Variants in GRM8 observed in about 807,000 individuals in gnomAD.
GRM8 encodes glutamate metabotropic receptor 8, also known as metabotropic glutamate receptor 8.
GRM8 carries 47 observed loss-of-function variants against 87.2 expected under a neutral mutation model. The observed-to-expected ratio is 0.54, with a 90% CI of 0.43 to 0.69. GRM8 has a LOEUF of 0.69. Among genes scored for constraint, GRM8 ranks in the 30% least tolerant of loss-of-function variants. The pLI, the probability that GRM8 is intolerant of heterozygous loss-of-function variation, is 0.00. For synonymous variants in GRM8, 396 were observed against 404.5 expected (o/e 0.98, Z 0.25); for missense variants, 1,019 against 1,139.2 (o/e 0.89, Z 1.52).
Position 126,788,420 on chromosome 7 carries a change from A to AACAAAAAAAAAACAAAAAACAAAAAAC in GRM8, c.1157-18356_1157-18355insGTTTTTTGTTTTTTGTTTTTTTTTTGT, listed in dbSNP as rs1554492201. Reference sequence around the variant, plus strand: ...GCAAGACTCCATCTCAAAAAAAAAAAAAACCCTTTCAGATATCTTTAACAT... The same window carrying AACAAAAAAAAAACAAAAAACAAAAAAC: ...GCAAGACTCCATCTCAAAAAAAAAAAACAAAAAAAAAACAAAAAACAAAAAACAAACCCTTTCAGATATCTTTAACAT... On this transcript the variant is annotated intron_variant, in intron 6 of 10. Coordinates refer to ENST00000339582, the MANE Select transcript of GRM8 (RefSeq NM_000845.3). Among the ~76,000 whole-genome samples the AACAAAAAAAAAACAAAAAACAAAAAAC allele has an allele frequency of 3.7e-5, 3 of 81,138 alleles. 1 individual carries two copies. Among genetic ancestry groups the AACAAAAAAAAAACAAAAAACAAAAAAC allele is most frequent in the Non-Finnish European group, 7.0e-5 (3 of 43,000 alleles). The allele number at this position is 81,138 out of a possible 152,430, so 53.2% of individuals were successfully genotyped here.
intron 3 of GRM8, chr7:126,981,660 C>T (rs1478354955): frequency 2.0e-5 from 3 of 152,222 alleles, no homozygotes; most frequent in Admixed American, 1.3e-4. Context: ...TCAATACCGA[C>T]ACACTGGGTA....
At position 126,532,470 on chromosome 7, in the gene GRM8, C is replaced by T. The variant is rs547565297; in HGVS notation, c.2430+482G>A. 2.6e-5 allele frequency among the ~76,000 whole-genome samples: 4 copies of T among 152,128 alleles called. 1 individual carries two copies. Among genetic ancestry groups the T allele is most frequent in the African/African-American group, 9.6e-5 (4 of 41,520 alleles). ...AATCATCACAATTACCAAGCAATGG[C>T]TTTATCCCAGAGTTACTTTAGAACA... On this transcript the variant is annotated intron_variant, in intron 9 of 10. Coordinates refer to ENST00000339582, the MANE Select transcript of GRM8 (RefSeq NM_000845.3).
intron 8 of GRM8, among the ~76,000 whole-genome samples, chr7:126,545,960 T>C (rs1243003472): frequency 1.3e-5 from 2 of 152,192 alleles, no homozygotes; most frequent in East Asian, 1.9e-4. Context: ...CACTTACCCA[T>C]TTCAGTGTTA....
intron 8 of GRM8, among the ~76,000 whole-genome samples, chr7:126,580,831 G>C (rs1456152135): frequency 6.6e-6 from 1 of 151,902 alleles, no homozygotes; most frequent in Non-Finnish European, 1.5e-5. Context: ...AGGAATATTG[G>C]TTCCATAAAT....
intron 9 of GRM8, among the ~76,000 whole-genome samples, chr7:126,469,207 A>C (rs545370667): frequency 6.6e-6 from 1 of 151,540 alleles, no homozygotes. Context: ...CTATCTTATG[A>C]AAAGTCTTCT....
chr7:126,678,048 C>T (rs755601643), intron 7 of GRM8, among the ~76,000 whole-genome samples: 5 of 152,086 alleles, frequency 3.3e-5, no homozygotes, highest in Admixed American at 1.3e-4. Context: ...TGATGGTGTT[C>T]GCTTAGTGCA....
At chr7:126,844,814 C>T (rs956105771) in intron 6 of GRM8, among the ~76,000 whole-genome samples, 3 of 152,160 alleles carry the variant, frequency 2.0e-5, no homozygotes, top group African/African-American at 7.2e-5. Flanking sequence ...TCTTATAAAG[C>T]CACCAATACC....
intron 6 of GRM8, among the ~76,000 whole-genome samples, chr7:126,790,813 G>C (rs1015178932): frequency 6.6e-6 from 1 of 152,154 alleles, no homozygotes; most frequent in African/African-American, 2.4e-5. Context: ...CGTAAAGTGT[G>C]GATGCAGACA....
chr7:127,056,826 A>C (rs149480143), intron 3 of GRM8, among the ~76,000 whole-genome samples: 135 of 152,300 alleles, frequency 8.9e-4, no homozygotes, highest in African/African-American at 3.2e-3. Flanking sequence ...TTCAAATTCC[A>C]TCAAAAAGTC....
At chr7:126,868,262 C>T (rs118097138) in intron 6 of GRM8, among the ~76,000 whole-genome samples, 437 of 152,360 alleles carry the variant, frequency 2.9e-3, no homozygotes, top group Non-Finnish European at 4.9e-3. Context: ...GCAACCCCAA[C>T]CCAACAGGGG....
intron 3 of GRM8, among the ~76,000 whole-genome samples, chr7:126,924,701 AG>A (rs1353937576): frequency 6.6e-6 from 1 of 152,132 alleles, no homozygotes; most frequent in African/African-American, 2.4e-5. Context: ...GACGTCAGTA[AG>A]AATCAGGTTC....
chr7:126,577,275 T>G (rs867480582), intron 8 of GRM8, among the ~76,000 whole-genome samples: 1 of 152,186 alleles, frequency 6.6e-6, no homozygotes, highest in Non-Finnish European at 1.5e-5. Flanking sequence ...GGAGATAAAG[T>G]TGAAAAGCCA....
chr7:126,441,052 T>C (rs2150444364), intron 10 of GRM8, among the ~76,000 whole-genome samples: 1 of 152,200 alleles, frequency 6.6e-6, no homozygotes, highest in African/African-American at 2.4e-5. Flanking sequence ...TATTTTTTAC[T>C]ACCTAAGTCA....
intron 2 of GRM8, among the ~76,000 whole-genome samples, chr7:127,136,630 C>A (rs1423472611): frequency 6.6e-6 from 1 of 151,952 alleles, no homozygotes; most frequent in Non-Finnish European, 1.5e-5. Context: ...ACTTACCCAG[C>A]ACTGGAAAAA....
At chr7:127,230,875 C>A (rs2116805209) in intron 2 of GRM8, among the ~76,000 whole-genome samples, 1 of 152,268 alleles carries the variant, frequency 6.6e-6, no homozygotes, top group East Asian at 1.9e-4. Flanking sequence ...TTGCAGCAGC[C>A]TATAACAGAG....
intron 6 of GRM8, among the ~76,000 whole-genome samples, chr7:126,879,758 T>C (rs1563276329): frequency 2.0e-5 from 3 of 152,354 alleles, no homozygotes; most frequent in Non-Finnish European, 2.9e-5. Context: ...AATGGTTTTA[T>C]ATTTTGTGGC....
At position 126,691,134 on chromosome 7, in the gene GRM8, G is replaced by T. The variant is rs1035999741; in HGVS notation, c.1357+78731C>A. On this transcript the variant is annotated intron_variant, in intron 7 of 10. Transcript: ENST00000339582. ...GCGTCCAGGCTATTCATGCCAAGGG[G>T]TGCCTGCAAGCCAACACTGAGCTGC... Among the ~76,000 whole-genome samples the T allele has an allele frequency of 1.3e-5, 2 of 152,086 alleles. 1 individual carries two copies. The highest frequency in any genetic ancestry group is 4.2e-4 in the South Asian group (2 of 4,804).
At chr7:127,115,963 A>T (rs974914924) in intron 2 of GRM8, among the ~76,000 whole-genome samples, 8 of 152,118 alleles carry the variant, frequency 5.3e-5, no homozygotes, top group African/African-American at 1.9e-4. Flanking sequence ...ATAAAACATT[A>T]AAAAATTTGC....
At chr7:126,932,419 A>T (rs995269682) in intron 3 of GRM8, among the ~76,000 whole-genome samples, 4 of 152,214 alleles carry the variant, frequency 2.6e-5, no homozygotes, top group Admixed American at 6.5e-5. Context: ...TACACAAAAA[A>T]AATCACAGAC....
Sources: gnomAD v4.1 joint callset for allele counts (sites outside exome capture counted in the v4.1 genomes callset) on GRCh38, gnomAD v4.1.1 for gene constraint, MANE v1.5 for transcripts, NCBI Gene and HGNC (gene_info 2026-07-23, HGNC 2026-07-21) for gene names.